The following E2F5 variants were observed in gnomAD, a reference collection of about 807,000 sequenced individuals.
The protein encoded by E2F5 is transcription factor E2F5.
A neutral mutation model predicts 39.1 loss-of-function variants in E2F5; 23 were observed. The ratio of observed to expected loss-of-function variants is 0.59; its 90% CI spans 0.42 to 0.83. E2F5 has a LOEUF of 0.83. Ranked by LOEUF, E2F5 falls within the 40% of genes least tolerant of loss-of-function variation. E2F5 has a pLI of 0.00. For synonymous variants in E2F5, 145 were observed against 157.8 expected (o/e 0.92, Z 0.61); for missense variants, 365 against 406.7 (o/e 0.90, Z 0.88).
At chr8:85,185,834 G>T (rs989174349) in intron 1 of E2F5, among the ~76,000 whole-genome samples, 3 of 152,186 alleles carry the variant, frequency 2.0e-5, no homozygotes, top group African/African-American at 7.2e-5. Flanking sequence ...AGTTACAATG[G>T]CGATCATTAA....
At chr8:85,187,994 G>A (rs935431235) in intron 1 of E2F5, among the ~76,000 whole-genome samples, 3 of 152,090 alleles carry the variant, frequency 2.0e-5, no homozygotes, top group African/African-American at 7.2e-5. Flanking sequence ...TTACAATGCG[G>A]TATTTTAAGC....
intron 6 of E2F5, among the ~76,000 whole-genome samples, chr8:85,210,120 A>G (rs926225564): frequency 6.6e-6 from 1 of 152,236 alleles, no homozygotes; most frequent in Admixed American, 6.5e-5. Flanking sequence ...TCTCTCAGTG[A>G]CTACTGAATG....
intron 6 of E2F5, 150 bp downstream of exon 6, chr8:85,209,559 A>T: frequency 1.1e-6 from 1 of 938,220 alleles, no homozygotes; most frequent in Non-Finnish European, 1.6e-6. Flanking sequence ...TATCTTGGGG[A>T]TAGGACCCAA....
At chr8:85,204,942 T>C (rs1587497498) in intron 3 of E2F5, among the ~76,000 whole-genome samples, 1 of 152,168 alleles carries the variant, frequency 6.6e-6, no homozygotes, top group African/African-American at 2.4e-5. Flanking sequence ...TCCCAGCACT[T>C]TGGGAAGCCA....
intron 1 of E2F5, among the ~76,000 whole-genome samples, chr8:85,186,827 G>GTA (rs1161814098): frequency 6.9e-6 from 1 of 145,952 alleles, no homozygotes; most frequent in Non-Finnish European, 1.5e-5. Flanking sequence ...TATATATATG[G>GTA]TATATATATG....
Position 85,180,511 on chromosome 8 carries a change from C to CATATAT in E2F5, c.234+2896_234+2901dup, listed in dbSNP as rs58188216. Among the ~76,000 whole-genome samples, 529 of 80,438 alleles carry CATATAT rather than the reference C, an allele frequency of 6.6e-3. 8 individuals carry two copies. The highest frequency in any genetic ancestry group is 9.1e-3 in the East Asian group (16 of 1,760). The allele number at this position is 80,438 out of a possible 152,430, so 52.8% of individuals were successfully genotyped here. ...TTTAAACGCAGTTAAAGAAACTATA[C>CATATAT]ATATATATATATATATATATATATA... On this transcript the variant is annotated intron_variant, in intron 1 of 7. Transcript: ENST00000416274.
chr8:85,203,840 A>C (rs1456721142), intron 3 of E2F5, among the ~76,000 whole-genome samples: 1 of 147,986 alleles, frequency 6.8e-6, no homozygotes, highest in Non-Finnish European at 1.5e-5. Context: ...ATAATATATA[A>C]AATATATTTA....
intron 1 of E2F5, among the ~76,000 whole-genome samples, chr8:85,179,172 T>C (rs1587477717): frequency 6.6e-6 from 1 of 152,352 alleles, no homozygotes; most frequent in East Asian, 1.9e-4. Flanking sequence ...CCAGGAATGT[T>C]ACAAAGCACA....
At chr8:85,211,785 G>A (rs1362219984) in intron 6 of E2F5, among the ~76,000 whole-genome samples, 1 of 150,264 alleles carries the variant, frequency 6.7e-6, no homozygotes, top group African/African-American at 2.5e-5. Context: ...CTATAGGCAC[G>A]TGCCATGAAT....
At chr8:85,211,797 TCTGG>T (rs1347187849) in intron 6 of E2F5, among the ~76,000 whole-genome samples, 2 of 151,540 alleles carry the variant, frequency 1.3e-5, no homozygotes, top group African/African-American at 2.4e-5. Flanking sequence ...GCCATGAATG[TCTGG>T]CTAATTTTTT....
chr8:85,211,956 T>C (rs935921474), intron 6 of E2F5, among the ~76,000 whole-genome samples: 1 of 152,044 alleles, frequency 6.6e-6, no homozygotes, highest in Non-Finnish European at 1.5e-5. Flanking sequence ...AATGAGTCTT[T>C]TGGTCTTCGT....
intron 1 of E2F5, among the ~76,000 whole-genome samples, chr8:85,181,961 CA>C (rs35223016): frequency 0.67 from 97,843 of 145,642 alleles, 32,695 homozygotes; most frequent in Non-Finnish European, 0.69. Context: ...AACTGTGTCT[CA>C]AAAAAAAAAA....
chr8:85,180,926 G>A (rs1812199861), intron 1 of E2F5, among the ~76,000 whole-genome samples: 1 of 151,714 alleles, frequency 6.6e-6, no homozygotes, highest in Non-Finnish European at 1.5e-5. Context: ...CGCCCAGGCT[G>A]GAGTGCAGTG....
chr8:85,183,952 C>A (rs533974885), intron 1 of E2F5, among the ~76,000 whole-genome samples: 2 of 152,064 alleles, frequency 1.3e-5, no homozygotes, highest in South Asian at 4.1e-4. Context: ...TTTGGATATA[C>A]AAAGAGATGC....
intron 1 of E2F5, among the ~76,000 whole-genome samples, chr8:85,182,383 G>A (rs1158540666): frequency 6.6e-6 from 1 of 152,182 alleles, no homozygotes. Context: ...TAACTTGCCT[G>A]GTGTTGTACA....
In E2F5 at chr8:85,180,374, T is replaced by C. The variant is rs1042675599; in HGVS notation, c.234+2720T>C. On this transcript the variant is annotated intron_variant, in intron 1 of 7. Transcript: ENST00000416274. ...AAAGATGGACTCACACTGACAATTATAAATTTCCTCTAATTTGAAATTATA... is the reference window on the plus strand; with the variant it reads ...AAAGATGGACTCACACTGACAATTACAAATTTCCTCTAATTTGAAATTATA... Among the ~76,000 whole-genome samples, 7 of 151,960 alleles carry C rather than the reference T, an allele frequency of 4.6e-5. No homozygotes were observed. The East Asian group carries it at 9.7e-4, about 21-fold the overall frequency.
Position 85,209,126 on chromosome 8 carries a change from C to A in E2F5, c.616-16C>A, listed in dbSNP as rs762978829. ...GTTAATAATTATACATTTGTTTATA[C>A]CCAATAACTTCAAAGGGTCAGAATG... is the stretch of plus-strand genomic sequence containing the variant. On this transcript the variant is annotated splice_polypyrimidine_tract_variant and intron_variant, in intron 5 of 7. Coordinates refer to ENST00000416274, the MANE Select transcript of E2F5 (RefSeq NM_001951.4). 1 of 1,610,760 alleles carries A rather than the reference C, an allele frequency of 6.2e-7. No individual in the cohort carries two copies. The highest frequency in any genetic ancestry group is 8.5e-7 in the Non-Finnish European group (1 of 1,177,554).
chr8:85,213,070 G>C (rs111947278), intron 7 of E2F5: 7,540 of 151,842 alleles, frequency 0.05, 232 homozygotes, highest in Non-Finnish European at 0.063. Flanking sequence ...GCTACTTTTT[G>C]TATTTTTAGT....
chr8:85,199,683 A>C (rs1262047101), intron 1 of E2F5, among the ~76,000 whole-genome samples: 2 of 152,216 alleles, frequency 1.3e-5, no homozygotes, highest in Non-Finnish European at 2.9e-5. Context: ...CACAAACTTT[A>C]ACCAATCTTA....
Sources: allele counts gnomAD v4.1 joint callset (sites outside exome capture counted in the v4.1 genomes callset), GRCh38; gene constraint gnomAD v4.1.1; transcripts MANE v1.5; gene names NCBI Gene and HGNC (gene_info 2026-07-23, HGNC 2026-07-21).